FBXL20: variants seen among roughly 807,000 people sequenced by gnomAD.
FBXL20 encodes the protein F-box and leucine rich repeat protein 20, also known as F-box/LRR-repeat protein 20.
FBXL20 carries 11 observed loss-of-function variants against 64.0 expected under a neutral mutation model. That is an observed-to-expected ratio of 0.17 (90% CI 0.11 to 0.28). The LOEUF is 0.28. Among genes scored for constraint, FBXL20 ranks in the 10% least tolerant of loss-of-function variants. The pLI is 1.00. For synonymous variants in FBXL20, 184 were observed against 189.0 expected, an observed-to-expected ratio of 0.97 and a Z score of 0.22; for missense variants, 303 against 526.2, an observed-to-expected ratio of 0.58 and a Z score of 4.15.
intron 2 of FBXL20, among the ~76,000 whole-genome samples, chr17:39,306,949 G>C (rs1313431347): frequency 6.6e-6 from 1 of 152,168 alleles, no homozygotes; most frequent in Admixed American, 6.5e-5. Flanking sequence ...GCAAGGGACA[G>C]GAAAATCCCT....
rs972201190 is a variant in FBXL20, at chr17:39,334,252, A to G, written c.104+8928T>C. 1.3e-5 allele frequency among the ~76,000 whole-genome samples: 2 copies of G among 152,256 alleles called. 1 individual carries two copies. The highest frequency in any genetic ancestry group is 4.8e-5 in the African/African-American group (2 of 41,552). On this transcript the variant is annotated intron_variant, in intron 2 of 14. Transcript: ENST00000264658. ...AGGGTGGTGCAAGATGTGCTTTGTT[A>G]AACAGATGCTTGAAGGCAGCATGCT...
Position 39,260,594 on chromosome 17 carries a change from T to C in FBXL20, c.*866A>G, listed in dbSNP as rs1481245415. Reference sequence around the variant, plus strand: ...GGCAGGGTCCCCTAATGGTAAAATTTAGAATTAAAAAAATATTTATTGATA... The same window carrying C: ...GGCAGGGTCCCCTAATGGTAAAATTCAGAATTAAAAAAATATTTATTGATA... On this transcript the variant is annotated 3_prime_UTR_variant, in exon 15 of 15. Coordinates refer to ENST00000264658, the MANE Select transcript of FBXL20 (RefSeq NM_032875.3). 6.6e-6 allele frequency: 1 copy of C among 152,264 alleles called. No homozygotes were observed. Among genetic ancestry groups the C allele is most frequent in the Non-Finnish European group, 1.5e-5 (1 of 68,038 alleles). 9.4% of individuals were successfully genotyped at this position (152,264 alleles called of 1,614,324 possible).
At chr17:39,270,696 G>A in intron 11 of FBXL20, 100 bp downstream of exon 11, 1 of 987,362 alleles carries the variant, frequency 1.0e-6, no homozygotes, top group Non-Finnish European at 1.5e-6. Flanking sequence ...ACCCAATTCT[G>A]CTACCATTTC....
intron 2 of FBXL20, among the ~76,000 whole-genome samples, chr17:39,326,199 C>G (rs970842045): frequency 6.7e-6 from 1 of 149,570 alleles, no homozygotes; most frequent in South Asian, 2.1e-4. Flanking sequence ...CAGAATCATA[C>G]GCCAAAAAAA....
chr17:39,378,021 A>G (rs1353291962), intron 1 of FBXL20, among the ~76,000 whole-genome samples: 11 of 152,024 alleles, frequency 7.2e-5, no homozygotes, highest in Non-Finnish European at 1.0e-4. Flanking sequence ...TCCACCACCT[A>G]CCGCCCCCCA....
Position 39,257,874 on chromosome 17 carries a change from A to C in FBXL20, c.*3586T>G, listed in dbSNP as rs954177603. 1.3e-5 allele frequency: 2 copies of C among 153,050 alleles called. No individual in the cohort carries two copies. Among genetic ancestry groups the C allele is most frequent in the Non-Finnish European group, 2.9e-5 (2 of 68,074 alleles). The allele number at this position is 153,050 out of a possible 1,614,324, so 9.5% of individuals were successfully genotyped here. A position where few individuals can be genotyped will look rare whatever the true frequency, so the allele number is the denominator to read the frequency against. On this transcript the variant is annotated 3_prime_UTR_variant, in exon 15 of 15. Coordinates refer to ENST00000264658, the MANE Select transcript of FBXL20 (RefSeq NM_032875.3). ...GGAAATGGTGGAAATCAGTGCAAAA[A>C]TAAGCTGGAGTCAGCTCAATGGGGC...
At chr17:39,357,225 T>A (rs2047750411) in intron 1 of FBXL20, among the ~76,000 whole-genome samples, 2 of 150,254 alleles carry the variant, frequency 1.3e-5, no homozygotes, top group Non-Finnish European at 3.0e-5. Context: ...GTGAGCCAAG[T>A]TCGTGCCACA....
chr17:39,394,169 T>G (rs1260751898), intron 1 of FBXL20, among the ~76,000 whole-genome samples: 2 of 152,188 alleles, frequency 1.3e-5, no homozygotes, highest in Non-Finnish European at 2.9e-5. Context: ...TTAAGGGCTT[T>G]CTTTCTTCTC....
rs1401914480 is a variant in FBXL20 at position 39,254,916 on chromosome 17, T to C, written c.*6544A>G. 7 of 152,542 alleles carry C rather than the reference T, an allele frequency of 4.6e-5. No individual in the cohort carries two copies. The highest frequency in any genetic ancestry group is 4.1e-4 in the South Asian group (2 of 4,836). 9.4% of individuals were successfully genotyped at this position (152,542 alleles called of 1,614,324 possible). Reference sequence around the variant, plus strand: ...AGGAAGCACTGAGACTCAACCTCTATAAACTGAACTTCACAAGCACTTATT... The same window carrying C: ...AGGAAGCACTGAGACTCAACCTCTACAAACTGAACTTCACAAGCACTTATT... On this transcript the variant is annotated 3_prime_UTR_variant, in exon 15 of 15. Transcript: ENST00000264658.
intron 9 of FBXL20, among the ~76,000 whole-genome samples, chr17:39,280,313 G>C (rs1234620470): frequency 2.0e-5 from 3 of 149,640 alleles, no homozygotes; most frequent in Admixed American, 6.8e-5. Context: ...AGAGGTAGGA[G>C]AATTGTTTGA....
chr17:39,367,812 G>A (rs1045768590), intron 1 of FBXL20, among the ~76,000 whole-genome samples: 5 of 151,796 alleles, frequency 3.3e-5, no homozygotes, highest in Non-Finnish European at 7.4e-5. Context: ...CTGGAAGGCT[G>A]GAGTGCACTG....
At chr17:39,341,056 A>G (rs1216278038) in intron 2 of FBXL20, among the ~76,000 whole-genome samples, 1 of 151,872 alleles carries the variant, frequency 6.6e-6, no homozygotes, top group East Asian at 1.9e-4. Context: ...CAAAATTTCA[A>G]AATTTCAAGC....
intron 2 of FBXL20, among the ~76,000 whole-genome samples, chr17:39,321,924 T>C (rs1260805645): frequency 6.6e-6 from 1 of 152,034 alleles, no homozygotes; most frequent in African/African-American, 2.4e-5. Context: ...TCAGTAATAA[T>C]TGGTAATTCT....
chr17:39,334,499 GA>G (rs1374918695), intron 2 of FBXL20, among the ~76,000 whole-genome samples: 8 of 138,104 alleles, frequency 5.8e-5, no homozygotes, highest in Admixed American at 1.5e-4. Context: ...AAAAAAATTC[GA>G]AAAAAAAATT....
chr17:39,335,118 C>T (rs2047507772), intron 2 of FBXL20, among the ~76,000 whole-genome samples: 1 of 152,184 alleles, frequency 6.6e-6, no homozygotes, highest in African/African-American at 2.4e-5. Context: ...TGTGCAGCTG[C>T]AAGGTCACTA....
chr17:39,310,554 A>T (rs1489708422), intron 2 of FBXL20, among the ~76,000 whole-genome samples: 1 of 152,084 alleles, frequency 6.6e-6, no homozygotes, highest in African/African-American at 2.4e-5. Context: ...CTTTACTCAA[A>T]AACTCAGTGT....
intron 6 of FBXL20, among the ~76,000 whole-genome samples, chr17:39,290,964 A>ACTT (rs35877504): frequency 2.1e-5 from 3 of 144,004 alleles, no homozygotes; most frequent in African/African-American, 5.0e-5. Flanking sequence ...TCCATTCTGT[A>ACTT]TTTTTTTTTT....
intron 4 of FBXL20, among the ~76,000 whole-genome samples, chr17:39,299,598 G>A (rs908196865): frequency 1.3e-5 from 2 of 151,260 alleles, no homozygotes; most frequent in Non-Finnish European, 2.9e-5. Flanking sequence ...TGGCTAACAC[G>A]GTGAAACCCC....
At chr17:39,325,522 A>G (rs2047400955) in intron 2 of FBXL20, among the ~76,000 whole-genome samples, 1 of 152,126 alleles carries the variant, frequency 6.6e-6, no homozygotes, top group East Asian at 1.9e-4. Flanking sequence ...TTAAAGGGAG[A>G]GGGGAATGAC....
Sources: allele counts gnomAD v4.1 joint callset (sites outside exome capture counted in the v4.1 genomes callset), GRCh38; gene constraint gnomAD v4.1.1; transcripts MANE v1.5; gene names NCBI Gene and HGNC (gene_info 2026-07-23, HGNC 2026-07-21).